Variants in CDH26 observed in about 807,000 individuals in gnomAD.
The protein encoded by CDH26 is cadherin-like protein 26.
In CDH26, 83 loss-of-function variants were observed where a neutral mutation model predicts 90.3. The ratio of observed to expected loss-of-function variants is 0.92; its 90% confidence interval spans 0.77 to 1.10. The LOEUF is 1.10. CDH26 is among the 50% of genes least tolerant of loss of function. CDH26 has a pLI of 0.00. For synonymous variants in CDH26, 397 were observed against 396.3 expected (o/e 1.00, Z -0.02); for missense variants, 1,013 against 1,037.6 (o/e 0.98, Z 0.33).
chr20:59,985,336 G>A lies in CDH26; in HGVS notation c.837+207G>A, dbSNP rs6027224. ...GAAGCCTGGGGCTGGCACCGGCTCA[G>A]CTTCTAGGGAGGCCTCAGGACGCCT... On this transcript the variant is annotated intron_variant, in intron 7 of 17. Transcript: ENST00000348616. 2.8e-4 allele frequency among the ~76,000 whole-genome samples: 42 copies of A among 152,290 alleles called. 1 individual carries two copies. The highest frequency in any genetic ancestry group is 1.9e-4 in the African/African-American group (8 of 41,548).
chr20:59,994,612 C>T, intron 11 of CDH26, 123 bp downstream of exon 11: 1 of 1,259,194 alleles, frequency 7.9e-7, no homozygotes, highest in Non-Finnish European at 1.1e-6. Flanking sequence ...TCTGGCAGAG[C>T]TGGCTCTAGG....
chr20:59,960,485 C>T (rs1329170327), intron 1 of CDH26, among the ~76,000 whole-genome samples: 1 of 152,048 alleles, frequency 6.6e-6, no homozygotes, highest in Non-Finnish European at 1.5e-5. Context: ...CATTTGTAGG[C>T]TTGATAACTA....
intron 4 of CDH26, among the ~76,000 whole-genome samples, chr20:59,973,048 T>C (rs1023382220): frequency 3.9e-5 from 6 of 152,212 alleles, no homozygotes; most frequent in African/African-American, 1.4e-4. Flanking sequence ...GAATTCACAG[T>C]GTCTGTTAAA....
intron 4 of CDH26, among the ~76,000 whole-genome samples, chr20:59,977,051 T>C (rs1275104075): frequency 6.6e-6 from 1 of 152,080 alleles, no homozygotes; most frequent in Non-Finnish European, 1.5e-5. Flanking sequence ...GCTACTCTAC[T>C]TCCAAGCTGA....
rs375217803 is a variant in CDH26, at chr20:59,996,640, T to G, written c.1898T>G (p.Leu633Arg). The change falls in exon 13 of 18, where the codon CTT becomes CGT. Residue 633 changes from leucine (L) to arginine (R), a missense_variant. By Grantham distance (102) the Leu-to-Arg change is moderately radical. Coordinates refer to ENST00000348616, the MANE Select transcript of CDH26 (RefSeq NM_177980.4). ...CTTTGTCTTATAACAGTGGCTCTGC[T>G]TTTTCTGTTGCGATGCTATTTTGTG... is the stretch of plus-strand genomic sequence containing the variant. ...AAFVALAVAL[L>R]FLLRCYFVLE... 6.2e-7 allele frequency: 1 copy of G among 1,614,216 alleles called. No homozygotes were observed. Among genetic ancestry groups the G allele is most frequent in the Non-Finnish European group, 8.5e-7 (1 of 1,180,044 alleles).
chr20:59,996,440 CAACA>C (rs2061597626), intron 12 of CDH26, 187 bp from the exon 13 acceptor site: 1 of 1,586,642 alleles, frequency 6.3e-7, no homozygotes. Flanking sequence ...TTGATTAATT[CAACA>C]AACAGTTATG....
chr20:60,005,419 C>T (rs957021546), intron 16 of CDH26, among the ~76,000 whole-genome samples: 1 of 151,978 alleles, frequency 6.6e-6, no homozygotes, highest in African/African-American at 2.4e-5. Context: ...TGTACAGAGG[C>T]ATGAGTATGC....
At chr20:59,964,500 T>G (rs2061120875) in intron 1 of CDH26, among the ~76,000 whole-genome samples, 2 of 150,460 alleles carry the variant, frequency 1.3e-5, no homozygotes, top group African/African-American at 2.4e-5. Flanking sequence ...TTTTGAAAGA[T>G]TTCCTCTTTG....
intron 16 of CDH26, among the ~76,000 whole-genome samples, chr20:60,005,478 C>CTTTA (rs1555901123): frequency 6.8e-5 from 10 of 147,712 alleles, no homozygotes; most frequent in African/African-American, 2.4e-4. Flanking sequence ...GTGTATATAT[C>CTTTA]TGTATGTATG....
Position 60,010,383 on chromosome 20 carries a change from C to T in CDH26, c.2296-2144C>T, listed in dbSNP as rs536233757. 8.1e-4 allele frequency among the ~76,000 whole-genome samples: 123 copies of T among 152,276 alleles called. 2 individuals carry two copies. Among genetic ancestry groups the T allele is most frequent in the South Asian group, 1.7e-3 (8 of 4,814 alleles). The stretch of plus-strand genomic sequence containing the variant: ...CTCTCAGAATTACTATCAGCAGTGA[C>T]GGATTAGACAGGCTCCCACTAAACC... On this transcript the variant is annotated intron_variant, in intron 17 of 17. Transcript: ENST00000348616.
intron 9 of CDH26, among the ~76,000 whole-genome samples, chr20:59,989,389 G>A (rs1017119151): frequency 6.6e-6 from 1 of 151,596 alleles, no homozygotes; most frequent in East Asian, 1.9e-4. Flanking sequence ...TTAGCCGGGC[G>A]CGGTGGCGGG....
intron 13 of CDH26, among the ~76,000 whole-genome samples, chr20:59,998,282 G>A (rs773300859): frequency 2.0e-5 from 3 of 151,212 alleles, no homozygotes; most frequent in Non-Finnish European, 4.4e-5. Flanking sequence ...AAGCTGCTGA[G>A]CTTGGAGGAG....
At position 59,985,517 on chromosome 20, in the gene CDH26, A is replaced by G. The variant is rs192788001; in HGVS notation, c.837+388A>G. ...CCAGATCTCATGTGAACTCAGGGCC[A>G]GAGCTTCCTTATCACCAAGGGGATG... On this transcript the variant is annotated intron_variant, in intron 7 of 17. Transcript: ENST00000348616. 3.9e-5 allele frequency among the ~76,000 whole-genome samples: 6 copies of G among 152,288 alleles called. No individual in the cohort carries two copies. In the East Asian group the frequency reaches 1.2e-3, roughly 30 times the overall value.
At chr20:59,971,646 C>T (rs143516582) in intron 3 of CDH26, among the ~76,000 whole-genome samples, 4 of 152,256 alleles carry the variant, frequency 2.6e-5, no homozygotes, top group Non-Finnish European at 5.9e-5. Context: ...CTAGTCATTC[C>T]GTGGCAGTGT....
At chr20:59,958,865 C>T in intron 1 of CDH26, 70 bp downstream of exon 1, 1 of 1,501,584 alleles carries the variant, frequency 6.7e-7, no homozygotes, top group African/African-American at 1.4e-5. Context: ...GGCCCTGCCC[C>T]TTCTAGGCTA....
chr20:59,994,585 A>C, intron 11 of CDH26, 96 bp downstream of exon 11: 2 of 1,470,598 alleles, frequency 1.4e-6, no homozygotes, highest in Non-Finnish European at 1.8e-6. Context: ...AGCTTAAAAA[A>C]CCGGAGAGGT....
chr20:59,960,164 A>G (rs2061049414), intron 1 of CDH26, among the ~76,000 whole-genome samples: 1 of 152,120 alleles, frequency 6.6e-6, no homozygotes, highest in Non-Finnish European at 1.5e-5. Context: ...AAGGGATCTC[A>G]GTGCCTGGGT....
At chr20:59,965,694 A>C (rs1210391928) in intron 1 of CDH26, among the ~76,000 whole-genome samples, 2 of 152,352 alleles carry the variant, frequency 1.3e-5, no homozygotes, top group South Asian at 4.1e-4. Context: ...ATATTTTAAT[A>C]ACCTGGAACA....
In CDH26 at chr20:59,984,741, A is replaced by G; in HGVS notation, c.644A>G (p.Glu215Gly). Residue 215 changes from glutamate to glycine, a missense_variant, in exon 6 of 18, where the codon GAA becomes GGA. Coordinates refer to ENST00000348616, the MANE Select transcript of CDH26 (RefSeq NM_177980.4). ...FLISQTPLLK[E>G]SGFRVDRLSG... ...ATTTCTCAAACACCATTACTGAAAG[A>G]AAGTGGTTTCCGGGTTGATCGCCTT... The G allele has an allele frequency of 6.2e-7, 1 of 1,613,990 alleles. No homozygotes were observed. Among genetic ancestry groups the G allele is most frequent in the Non-Finnish European group, 8.5e-7 (1 of 1,179,928 alleles).
Sources: allele counts gnomAD v4.1 joint callset (sites outside exome capture counted in the v4.1 genomes callset), GRCh38; gene constraint gnomAD v4.1.1; transcripts MANE v1.5; gene names NCBI Gene and HGNC (gene_info 2026-07-23, HGNC 2026-07-21).